The following PDE10A variants were observed in gnomAD, a reference collection of about 807,000 sequenced individuals.
The protein encoded by PDE10A is phosphodiesterase 10A, also known as cAMP and cAMP-inhibited cGMP 3',5'-cyclic phosphodiesterase 10A.
PDE10A carries 39 observed loss-of-function variants against 97.7 expected under a neutral mutation model. That is an observed-to-expected ratio of 0.40 (90% CI 0.31 to 0.52). The LOEUF (loss-of-function observed/expected upper bound fraction) is 0.52. Ranked by LOEUF, PDE10A falls within the 20% of genes least tolerant of loss-of-function variation. The pLI, the probability that PDE10A is intolerant of heterozygous loss-of-function variation, is 0.56. For synonymous variants in PDE10A, 371 were observed against 376.8 expected (o/e 0.98, Z 0.18); for missense variants, 731 against 1,047.8 (o/e 0.70, Z 4.17).
intron 1 of PDE10A, among the ~76,000 whole-genome samples, chr6:165,708,017 C>A (rs1459123274): frequency 1.2e-4 from 18 of 152,164 alleles, no homozygotes; most frequent in Admixed American, 1.2e-3. Context: ...AAACTCAACA[C>A]AAACCAACCC....
intron 1 of PDE10A, among the ~76,000 whole-genome samples, chr6:165,854,292 G>C (rs73033992): frequency 0.23 from 34,321 of 152,132 alleles, 4,245 homozygotes; most frequent in Non-Finnish European, 0.28. Flanking sequence ...GGAGGAGAAA[G>C]GGGCCCGCAG....
chr6:165,903,316 G>A (rs1782165741), intron 1 of PDE10A, among the ~76,000 whole-genome samples: 1 of 152,208 alleles, frequency 6.6e-6, no homozygotes, highest in African/African-American at 2.4e-5. Flanking sequence ...CATGGAGGAA[G>A]GCTAATTTGC....
chr6:165,896,898 G>C (rs1162293167), intron 1 of PDE10A, among the ~76,000 whole-genome samples: 1 of 151,978 alleles, frequency 6.6e-6, no homozygotes, highest in African/African-American at 2.4e-5. Context: ...GTGAACTCCA[G>C]ACCTCAAGTG....
intron 1 of PDE10A, among the ~76,000 whole-genome samples, chr6:165,724,801 C>T (rs903527261): frequency 2.0e-5 from 3 of 152,138 alleles, no homozygotes; most frequent in Non-Finnish European, 4.4e-5. Flanking sequence ...GTTTGGGAGT[C>T]GAGAGACTCC....
rs950794914 is a variant in PDE10A at position 165,929,513 on chromosome 6, G to T, written c.-615+58016C>A. On this transcript the variant is annotated intron_variant, in intron 1 of 19. Transcript: ENST00000366882. ...ACTTAGGTTGGGTCAGGCTGCCCAC[G>T]GGACCCGGAGTGACCACTGTGTGGG... 3.3e-5 allele frequency among the ~76,000 whole-genome samples: 5 copies of T among 152,312 alleles called. No individual in the cohort carries two copies. The South Asian group carries it at 1.0e-3, about 32-fold the overall frequency.
intron 1 of PDE10A, among the ~76,000 whole-genome samples, chr6:165,943,655 C>T (rs1324753511): frequency 6.6e-6 from 1 of 152,232 alleles, no homozygotes; most frequent in African/African-American, 2.4e-5. Context: ...CCTTCCTCCA[C>T]CTTTTCATTC....
At chr6:165,553,774 T>G (rs969378741) in intron 1 of PDE10A, among the ~76,000 whole-genome samples, 1 of 152,178 alleles carries the variant, frequency 6.6e-6, no homozygotes, top group Non-Finnish European at 1.5e-5. Flanking sequence ...AGAACATAAA[T>G]GAAAGTTTCT....
At position 165,441,092 on chromosome 6, in the gene PDE10A, C is replaced by CT. The variant is rs1211886942; in HGVS notation, c.1195-5716dup. 2.0e-5 allele frequency among the ~76,000 whole-genome samples: 3 copies of CT among 152,246 alleles called. No individual in the cohort carries two copies. The East Asian group carries it at 5.8e-4, about 29-fold the overall frequency. On this transcript the variant is annotated intron_variant, in intron 5 of 21. Transcript: ENST00000539869. ...GCCAGGATACAACATAAGTTGTTTT[C>CT]TTTGCTAACCCCAGATTTCTCAGAA...
At chr6:165,983,039 A>G (rs1374747289) in intron 1 of PDE10A, among the ~76,000 whole-genome samples, 2 of 108,652 alleles carry the variant, frequency 1.8e-5, no homozygotes, top group East Asian at 2.8e-4. Context: ...GCTGCCCACA[A>G]GAGGAATGTA....
intron 7 of PDE10A, 27 bp downstream of exon 7, chr6:165,432,947 C>A (rs779569272): frequency 6.3e-7 from 1 of 1,597,590 alleles, no homozygotes; most frequent in Admixed American, 1.7e-5. Flanking sequence ...ACTAAAAATT[C>A]TAACATGCAG....
intron 18 of PDE10A, among the ~76,000 whole-genome samples, chr6:165,353,762 T>C (rs1782850371): frequency 6.6e-6 from 1 of 152,142 alleles, no homozygotes; most frequent in South Asian, 2.1e-4. Context: ...CACAAGGGAT[T>C]TTTAGGGCAG....
chr6:165,650,677 CTTG>C (rs1259528725), intron 1 of PDE10A, among the ~76,000 whole-genome samples: 4 of 152,070 alleles, frequency 2.6e-5, no homozygotes, highest in Non-Finnish European at 4.4e-5. Flanking sequence ...ATATTCATAT[CTTG>C]TTAAGTCACT....
intron 1 of PDE10A, among the ~76,000 whole-genome samples, chr6:165,905,300 G>T (rs928439440): frequency 1.3e-5 from 2 of 152,066 alleles, no homozygotes; most frequent in South Asian, 2.1e-4. Flanking sequence ...ATTTATGTCT[G>T]CAAAGTCTAC....
intron 1 of PDE10A, among the ~76,000 whole-genome samples, chr6:165,955,666 GAA>G (rs1784114837): frequency 6.6e-6 from 1 of 152,124 alleles, no homozygotes; most frequent in Admixed American, 6.5e-5. Flanking sequence ...AGTGCGAGTA[GAA>G]AAGTCATTTC....
intron 12 of PDE10A, among the ~76,000 whole-genome samples, chr6:165,413,900 CT>C (rs1788097896): frequency 6.6e-6 from 1 of 152,082 alleles, no homozygotes; most frequent in South Asian, 2.1e-4. Context: ...TCTGTTGGTT[CT>C]TTTGTCTCCA....
intron 7 of PDE10A, 71 bp downstream of exon 7, chr6:165,432,903 A>C: frequency 9.2e-7 from 1 of 1,083,574 alleles, no homozygotes; most frequent in South Asian, 1.5e-5. Flanking sequence ...ATTACTTAGC[A>C]ATACTAACAA....
chr6:165,814,156 A>G (rs943926503), intron 1 of PDE10A, among the ~76,000 whole-genome samples: 2 of 152,178 alleles, frequency 1.3e-5, no homozygotes, highest in Non-Finnish European at 2.9e-5. Flanking sequence ...TTGGAAACAC[A>G]TGGGGCCAGG....
At chr6:165,762,917 T>C (rs1793286077) in intron 1 of PDE10A, among the ~76,000 whole-genome samples, 1 of 149,390 alleles carries the variant, frequency 6.7e-6, no homozygotes, top group African/African-American at 2.5e-5. Flanking sequence ...AGATAGAGAA[T>C]AGGAGGAAGA....
At chr6:165,390,588 T>C (rs933242578) in intron 16 of PDE10A, among the ~76,000 whole-genome samples, 1 of 152,054 alleles carries the variant, frequency 6.6e-6, no homozygotes, top group African/African-American at 2.4e-5. Context: ...GAAGCACTGG[T>C]AGGCAGTGTT....
Sources: gnomAD v4.1 joint callset for allele counts (sites outside exome capture counted in the v4.1 genomes callset) on GRCh38, gnomAD v4.1.1 for gene constraint, MANE v1.5 for transcripts, NCBI Gene and HGNC (gene_info 2026-07-23, HGNC 2026-07-21) for gene names.